TTN: variants seen among roughly 807,000 people sequenced by gnomAD.
TTN encodes the protein connectin.
In TTN, 1,525 loss-of-function variants were observed where a neutral mutation model predicts 3,223.0. The ratio of observed to expected loss-of-function variants is 0.47; its 90% CI spans 0.45 to 0.49. The LOEUF is 0.49. Among genes scored for constraint, TTN ranks in the 20% least tolerant of loss-of-function variants. The pLI is 0.00. For missense variants in TTN, 40,786 were observed against 43,424.0 expected, an observed-to-expected ratio of 0.94 and a Z score of 5.40; for synonymous variants, 14,094 against 15,161.0, an observed-to-expected ratio of 0.93 and a Z score of 5.17.
At chr2:178,668,791 G>A (rs568377356) in intron 159 of TTN, among the ~76,000 whole-genome samples, 1 of 149,668 alleles carries the variant, frequency 6.7e-6, no homozygotes, top group Non-Finnish European at 1.5e-5. Flanking sequence ...TATTCAGGTT[G>A]TTGAACAGTA....
intron 34 of TTN, 148 bp from the exon 35 acceptor site, chr2:178,770,823 C>T (rs779167030): frequency 7.6e-6 from 8 of 1,055,876 alleles, no homozygotes; most frequent in Non-Finnish European, 1.2e-5. Context: ...TTAAAAAACA[C>T]CTGAGATTAT....
At chr2:178,605,387 A>T in intron 279 of TTN, 27 bp downstream of exon 279, 4 of 1,547,806 alleles carry the variant, frequency 2.6e-6, no homozygotes, top group Non-Finnish European at 3.5e-6. Context: ...AATGCATTAA[A>T]ATTATTATTA....
At position 178,565,081 on chromosome 2, in the gene TTN, G is replaced by C; in HGVS notation, c.81051C>G (p.Thr27017=). The change falls in exon 326 of 363, where the codon ACC becomes ACG. Residue 27017 remains threonine (T), a synonymous_variant. Coordinates refer to ENST00000589042, the MANE Select transcript of TTN (RefSeq NM_001267550.2). ...NYIVEKRDTT[T]TTWHMVSATV... ...TTGCTGATACCATGTGCCAAGTGGTGGTGGTTGTATCTCGCTTCTCTACAA... is the reference window on the plus strand; with the variant it reads ...TTGCTGATACCATGTGCCAAGTGGTCGTGGTTGTATCTCGCTTCTCTACAA... 1.2e-6 allele frequency: 2 copies of C among 1,613,592 alleles called. No individual in the cohort carries two copies. The highest frequency in any genetic ancestry group is 2.2e-5 in the East Asian group (1 of 44,840).
Position 178,649,811 on chromosome 2 carries a change from G to C in TTN, c.39895+6C>G. On this transcript the variant is annotated splice_donor_region_variant and intron_variant, in intron 211 of 362. Transcript: ENST00000589042. ...AAAAATGAAGTATTCATTTTAACAT[G>C]AGTACCTTTAGGAGGCGGTGCTTCT... 1.2e-6 allele frequency: 2 copies of C among 1,611,224 alleles called. No individual in the cohort carries two copies. Among genetic ancestry groups the C allele is most frequent in the East Asian group, 4.5e-5 (2 of 44,814 alleles).
chr2:178,730,451 A>G (rs1284004479), intron 61 of TTN, 54 bp downstream of exon 61: 17 of 1,555,044 alleles, frequency 1.1e-5, no homozygotes, highest in African/African-American at 2.8e-5. Context: ...AAATTTAGAA[A>G]TGAAACAAAA....
chr2:178,555,170 G>A lies in TTN; in HGVS notation c.88307-18C>T, dbSNP rs547409426. 4.8e-5 allele frequency: 76 copies of A among 1,589,902 alleles called. No homozygotes were observed. In the South Asian group the frequency reaches 8.2e-4, roughly 17 times the overall value. ...AGGACCACCTGCAAGAAAAACAGATGAGAAATATTTAAAATATTATAAGGA... is the reference window on the plus strand; with the variant it reads ...AGGACCACCTGCAAGAAAAACAGATAAGAAATATTTAAAATATTATAAGGA... On this transcript the variant is annotated intron_variant, in intron 330 of 362. Coordinates refer to ENST00000589042, the MANE Select transcript of TTN (RefSeq NM_001267550.2).
At chr2:178,651,168 CA>C (rs781494467) in intron 208 of TTN, 74 bp downstream of exon 208, 40 of 1,267,466 alleles carry the variant, frequency 3.2e-5, no homozygotes, top group Non-Finnish European at 4.4e-5. Flanking sequence ...GACTCGCAAA[CA>C]AAAGGTTTGA....
Position 178,550,518 on chromosome 2 carries a change from A to C in TTN, c.91565-245T>G, listed in dbSNP as rs1331382618. Reference sequence around the variant, plus strand: ...TAATTTTGCATTGCTCTTTGTAAAAAGGAAAGTGAAACATTTACAGATCAT... The same window carrying C: ...TAATTTTGCATTGCTCTTTGTAAAACGGAAAGTGAAACATTTACAGATCAT... On this transcript the variant is annotated intron_variant, in intron 336 of 362. Transcript: ENST00000589042. The C allele has an allele frequency of 1.0e-5, 5 of 487,488 alleles. No homozygotes were observed. In the East Asian group the frequency reaches 1.7e-4, roughly 17 times the overall value. The allele number at this position is 487,488 out of a possible 1,614,324, so 30.2% of individuals were successfully genotyped here.
Position 178,629,401 on chromosome 2 carries a change from A to G in TTN, c.44324T>C (p.Val14775Ala). ...GAAGGTGGCTGTTTCCCCTGCAGTC[A>G]CGGTGACATCCTTTAAAGGCCTCAG... is the stretch of plus-strand genomic sequence containing the variant. ...GLLRPLKDVTVTAGETATFDC... is the reference protein window; with the variant it reads ...GLLRPLKDVTATAGETATFDC... The change falls in exon 240 of 363, where the codon GTG becomes GCG. Residue 14775 changes from valine (V) to alanine (A), a missense_variant. By Grantham distance (64) the Val-to-Ala change is moderately conservative. Transcript: ENST00000589042. The G allele has an allele frequency of 6.2e-7, 1 of 1,613,036 alleles. No homozygotes were observed. The highest frequency in any genetic ancestry group is 8.5e-7 in the Non-Finnish European group (1 of 1,179,306).
At chr2:178,585,585 T>C (rs2048757131) in intron 308 of TTN, among the ~76,000 whole-genome samples, 1 of 151,990 alleles carries the variant, frequency 6.6e-6, no homozygotes, top group Non-Finnish European at 1.5e-5. Context: ...AATGCTATCC[T>C]TCCCCTAGCC....
intron 281 of TTN, 39 bp downstream of exon 281, chr2:178,604,669 A>T: frequency 6.5e-7 from 1 of 1,535,702 alleles, no homozygotes; most frequent in South Asian, 1.3e-5. Context: ...AGAGTCATGT[A>T]CTTTTAATGT....
chr2:178,730,021 T>TCGCCCCCCCCCC, intron 62 of TTN, 72 bp downstream of exon 62: 1 of 1,558,146 alleles, frequency 6.4e-7, no homozygotes, highest in Non-Finnish European at 8.8e-7. Flanking sequence ...GTCTTAAGCG[T>TCGCCCCCCCCCC]CCCCCGCCCC....
chr2:178,528,674 T>G lies in TTN; in HGVS notation c.107077A>C (p.Thr35693Pro). The G allele has an allele frequency of 6.2e-7, 1 of 1,613,374 alleles. No homozygotes were observed. Among genetic ancestry groups the G allele is most frequent in the Middle Eastern group, 1.6e-4 (1 of 6,062 alleles). Residue 35693 changes from threonine (T) to proline (P), a missense_variant, in exon 360 of 363, where the codon ACA becomes CCA. Thr to Pro is a conservative substitution (Grantham distance 38, BLOSUM62 -1). Transcript: ENST00000589042. ...GCATCTGAGAGTTCTTTGCTCAGTG[T>G]CAAATCATACTGACACTTGACGATT... ...EGIVKCQYDL[T>P]LSKELSDAPA...
rs188728343 is a variant in TTN at position 178,527,006 on chromosome 2, G to A, written c.*6C>T. On this transcript the variant is annotated 3_prime_UTR_variant, in exon 363 of 363. Coordinates refer to ENST00000589042, the MANE Select transcript of TTN (RefSeq NM_001267550.2). ...ATGAGTGTAGAGTATAAGGGCACAGGCCCTCTTAAATGGATCGAATATGTA... is the reference window on the plus strand; with the variant it reads ...ATGAGTGTAGAGTATAAGGGCACAGACCCTCTTAAATGGATCGAATATGTA... The A allele has an allele frequency of 2.5e-6, 4 of 1,604,686 alleles. No individual in the cohort carries two copies. The highest frequency in any genetic ancestry group is 3.4e-5 in the Admixed American group (2 of 59,608).
At position 178,535,795 on chromosome 2, in the gene TTN, G is replaced by A; in HGVS notation, c.100820C>T (p.Ala33607Val). The stretch of plus-strand genomic sequence containing the variant: ...GATGCTGACCACTTCACCTCGGAGA[G>A]CATGAACTGCTCCCATGCCTTCAAG... ...KTLEGMGAVH[A>V]LRGEVVSIKI... Residue 33607 changes from alanine to valine, a missense_variant, in exon 358 of 363, where the codon GCT becomes GTT. Ala to Val is a moderately conservative substitution (Grantham distance 64). Transcript: ENST00000589042. 1 of 1,611,408 alleles carries A rather than the reference G, an allele frequency of 6.2e-7. No homozygotes were observed.
chr2:178,741,512 T>C lies in TTN; in HGVS notation c.11721A>G (p.Leu3907=), dbSNP rs191468025. Residue 3907 remains leucine (L), a synonymous_variant, in exon 48 of 363, where the codon CTA becomes CTG. Transcript: ENST00000589042. Reference sequence around the variant, plus strand: ...GACCCTCTCCTTTGGAATTAATTTTTAGATAGGCACTACATATTGTCTTTC... The same window carrying C: ...GACCCTCTCCTTTGGAATTAATTTTCAGATAGGCACTACATATTGTCTTTC... ...DYGKTICSAY[L]KINSKGEGHK... The C allele has an allele frequency of 6.2e-7, 1 of 1,613,914 alleles. No individual in the cohort carries two copies. The highest frequency in any genetic ancestry group is 2.2e-5 in the East Asian group (1 of 44,858).
At chr2:178,744,289 C>A (rs963718250) in intron 47 of TTN, 7 of 811,486 alleles carry the variant, frequency 8.6e-6, no homozygotes, top group African/African-American at 1.9e-5. Flanking sequence ...TCCTTTGTTA[C>A]AAAATTAAAG....
intron 295 of TTN, among the ~76,000 whole-genome samples, 166 bp downstream of exon 295, chr2:178,595,340 TC>T (rs1559630930): frequency 6.6e-6 from 1 of 152,048 alleles, no homozygotes; most frequent in Non-Finnish European, 1.5e-5. Context: ...AAAATCTCTT[TC>T]ACAATCACTG....
At chr2:178,709,890 G>T (rs2154294543) in intron 98 of TTN, 34 bp from the exon 99 acceptor site, 1 of 1,546,810 alleles carries the variant, frequency 6.5e-7, no homozygotes, top group Non-Finnish European at 8.7e-7. Context: ...TGAAGTAGAA[G>T]CTAGAAGCAG....
Sources: gnomAD v4.1 joint callset for allele counts (sites outside exome capture counted in the v4.1 genomes callset) on GRCh38, gnomAD v4.1.1 for gene constraint, MANE v1.5 for transcripts, NCBI Gene and HGNC (gene_info 2026-07-23, HGNC 2026-07-21) for gene names.